The following RBM18 variants were observed in gnomAD, a reference collection of about 807,000 sequenced individuals.
The protein encoded by RBM18 is RNA binding motif protein 18, also known as probable RNA-binding protein 18.
A neutral mutation model predicts 26.4 loss-of-function variants in RBM18; 18 were observed. The ratio of observed to expected loss-of-function variants is 0.68; its 90% CI spans 0.47 to 1.01. The LOEUF is 1.01. RBM18 is among the 50% of genes least tolerant of loss of function. The pLI is 0.00. For synonymous variants in RBM18, 74 were observed against 81.1 expected (o/e 0.91, Z 0.47); for missense variants, 180 against 219.2 (o/e 0.82, Z 1.13).
intron 3 of RBM18, among the ~76,000 whole-genome samples, chr9:122,251,243 GAATA>G (rs1337674725): frequency 6.6e-6 from 1 of 152,110 alleles, no homozygotes; most frequent in African/African-American, 2.4e-5. Context: ...TACATATGAT[GAATA>G]AATTTATAAG....
At chr9:122,261,868 A>G (rs1272051415) in intron 1 of RBM18, among the ~76,000 whole-genome samples, 2 of 152,252 alleles carry the variant, frequency 1.3e-5, no homozygotes, top group African/African-American at 4.8e-5. Context: ...CACCAGGAAG[A>G]GTCTTAATGG....
At chr9:122,256,632 G>A (rs767207116) in intron 2 of RBM18, among the ~76,000 whole-genome samples, 3 of 152,142 alleles carry the variant, frequency 2.0e-5, no homozygotes, top group Non-Finnish European at 4.4e-5. Flanking sequence ...TACATTTTAA[G>A]ATTTAAAATA....
chr9:122,253,896 C>T (rs1285912813), intron 2 of RBM18, among the ~76,000 whole-genome samples: 10 of 151,596 alleles, frequency 6.6e-5, no homozygotes, highest in Non-Finnish European at 1.2e-4. Flanking sequence ...AGCATGGTGG[C>T]GCATGCCCGT....
Position 122,251,864 on chromosome 9 carries a change from T to C in RBM18, c.223A>G (p.Asn75Asp), listed in dbSNP as rs750099497. ...EGQPRGYCFVNFETKQEAEQA... is the reference protein window; with the variant it reads ...EGQPRGYCFVDFETKQEAEQA... Reference sequence around the variant, plus strand: ...TTAATTACCTGCTTAGTTTCAAAGTTAACAAAACAGTAGCCTCGAGGCTGT... The same window carrying C: ...TTAATTACCTGCTTAGTTTCAAAGTCAACAAAACAGTAGCCTCGAGGCTGT... The change falls in exon 3 of 6, where the codon AAC becomes GAC. Residue 75 changes from asparagine to aspartate, a missense_variant. Physicochemically the swap from Asn to Asp is conservative, Grantham distance 23. Coordinates refer to ENST00000417201, the MANE Select transcript of RBM18 (RefSeq NM_033117.4). 165 of 1,613,996 alleles carry C rather than the reference T, an allele frequency of 1.0e-4. No individual in the cohort carries two copies. Among genetic ancestry groups the C allele is most frequent in the Non-Finnish European group, 1.3e-4 (158 of 1,179,978 alleles).
chr9:122,254,295 GCTTA>G, intron 2 of RBM18: 1 of 949,406 alleles, frequency 1.1e-6, no homozygotes. Context: ...AGGAACATCT[GCTTA>G]GGTTTGTGTC....
intron 2 of RBM18, among the ~76,000 whole-genome samples, chr9:122,256,038 A>AAAC (rs3048199): frequency 0.039 from 5,927 of 151,682 alleles, 370 homozygotes; most frequent in African/African-American, 0.13. Flanking sequence ...CTCAAAAAGA[A>AAAC]AACAACAACA....
rs186676275 is a variant in RBM18, at chr9:122,260,557, T to G, written c.113+823A>C. On this transcript the variant is annotated intron_variant, in intron 2 of 5. Coordinates refer to ENST00000417201, the MANE Select transcript of RBM18 (RefSeq NM_033117.4). ...TAAAAGAGCAGGGAGTCAGGGCAAT[T>G]CAATCAATTTCGTGAACTCGGGCAA... Among the ~76,000 whole-genome samples, 161 of 151,002 alleles carry G rather than the reference T, an allele frequency of 1.1e-3. 1 individual carries two copies. The highest frequency in any genetic ancestry group is 1.3e-3 in the Non-Finnish European group (86 of 68,006).
Position 122,238,620 on chromosome 9 carries a change from G to T in RBM18, c.*3264C>A, listed in dbSNP as rs537525980. On this transcript the variant is annotated 3_prime_UTR_variant, in exon 6 of 6. Transcript: ENST00000417201. ...GTGGCTGCAGTACACCGCACAAGGG[G>T]AGAACAGTAGGCTATAGGGTCAGAC... 1 of 152,360 alleles carries T rather than the reference G, an allele frequency of 6.6e-6. No individual in the cohort carries two copies. Among genetic ancestry groups the T allele is most frequent in the East Asian group, 1.9e-4 (1 of 5,194 alleles). The allele number at this position is 152,360 out of a possible 1,614,324, so 9.4% of individuals were successfully genotyped here.
chr9:122,247,782 G>T lies in RBM18; in HGVS notation c.241-178C>A, dbSNP rs866434912. Among the ~76,000 whole-genome samples, 241 of 76,762 alleles carry T rather than the reference G, an allele frequency of 3.1e-3. 2 individuals carry two copies. Among genetic ancestry groups the T allele is most frequent in the African/African-American group, 4.3e-3 (139 of 32,420 alleles). 50.4% of individuals were successfully genotyped at this position (76,762 alleles called of 152,430 possible). On this transcript the variant is annotated intron_variant, in intron 3 of 5. Coordinates refer to ENST00000417201, the MANE Select transcript of RBM18 (RefSeq NM_033117.4). ...ATTTTAAAAAGGGCATGGTTTTTTT[G>T]TTGTTTTTTTTTTTTTTTTGAGATG...
At chr9:122,245,107 T>C in intron 5 of RBM18, 149 bp downstream of exon 5, 2 of 606,452 alleles carry the variant, frequency 3.3e-6, no homozygotes, top group East Asian at 2.7e-5. Context: ...AGGAAATGTA[T>C]ACATTCTGGA....
chr9:122,241,995 C>T lies in RBM18; in HGVS notation c.462G>A (p.Ala154=), dbSNP rs761203922. 2.0e-5 allele frequency: 33 copies of T among 1,613,796 alleles called. No individual in the cohort carries two copies. The Admixed American group carries it at 3.3e-4, about 16-fold the overall frequency. The change falls in exon 6 of 6, where the codon GCG becomes GCA. Residue 154 remains alanine (A), a synonymous_variant. Coordinates refer to ENST00000417201, the MANE Select transcript of RBM18 (RefSeq NM_033117.4). Reference sequence around the variant, plus strand: ...CTGGATACTCTGCATCAGGATTTTCCGCCATCATTTTCAGTTTTGCTTCAA... The same window carrying T: ...CTGGATACTCTGCATCAGGATTTTCTGCCATCATTTTCAGTTTTGCTTCAA... The part of the protein sequence containing the change: ...KAIEAKLKMM[A]ENPDAEYPAA...
intron 5 of RBM18, chr9:122,243,691 T>C (rs1831460709): frequency 3.1e-6 from 3 of 980,680 alleles, no homozygotes; most frequent in South Asian, 4.7e-5. Context: ...AAGGTATACA[T>C]GGGCGAGAAA....
At chr9:122,261,581 A>C (rs1399633710) in intron 1 of RBM18, 73 bp from the exon 2 acceptor site, 9 of 998,156 alleles carry the variant, frequency 9.0e-6, no homozygotes, top group Non-Finnish European at 1.3e-5. Context: ...ATTCAACTCA[A>C]CAAACATTTA....
chr9:122,241,941 T>C lies in RBM18; in HGVS notation c.516A>G (p.Pro172=). 1.2e-6 allele frequency: 2 copies of C among 1,614,108 alleles called. No individual in the cohort carries two copies. The highest frequency in any genetic ancestry group is 1.7e-6 in the Non-Finnish European group (2 of 1,179,968). ...PAAPVYSYFK[P]PDKKRTTPYS... is the part of the protein sequence containing the mutation. The stretch of plus-strand genomic sequence containing the variant: ...ATGGAGTAGTCCTTTTTTTATCTGG[T>C]GGCTTAAAGTAGGAATAAACAGGCG... Residue 172 remains proline (P), a synonymous_variant, in exon 6 of 6, where the codon CCA becomes CCG. Transcript: ENST00000417201.
intron 1 of RBM18, among the ~76,000 whole-genome samples, chr9:122,262,095 C>CT (rs1008038995): frequency 1.3e-5 from 2 of 151,316 alleles, no homozygotes; most frequent in Non-Finnish European, 3.0e-5. Context: ...GATAATAGTG[C>CT]TTATTTTATA....
chr9:122,251,248 A>T (rs935830868), intron 3 of RBM18, among the ~76,000 whole-genome samples: 40 of 152,198 alleles, frequency 2.6e-4, no homozygotes, highest in African/African-American at 8.7e-4. Context: ...ATGATGAATA[A>T]ATTTATAAGT....
Position 122,239,706 on chromosome 9 carries a change from C to T in RBM18, c.*2178G>A, listed in dbSNP as rs10733657. The T allele has an allele frequency of 0.93, 141,159 of 152,330 alleles. 65,720 individuals carry two copies. The highest frequency in any genetic ancestry group is 1 in the East Asian group (5,188 of 5,190). 9.4% of individuals were successfully genotyped at this position (152,330 alleles called of 1,614,324 possible). A position where few individuals can be genotyped will look rare whatever the true frequency, so the allele number is the denominator to read the frequency against. On this transcript the variant is annotated 3_prime_UTR_variant, in exon 6 of 6. Transcript: ENST00000417201. ...ATTTCTTCTTTTGAAATCTCTACCA[C>T]GAGAGACTAAACACAGTACGATACT...
At position 122,240,068 on chromosome 9, in the gene RBM18, C is replaced by T. The variant is rs1340710665; in HGVS notation, c.*1816G>A. On this transcript the variant is annotated 3_prime_UTR_variant, in exon 6 of 6. Transcript: ENST00000417201. ...GAATCAGTACAAATAATAAACAGTG[C>T]TTTAAATACAAATAAATAGCTCTGG... 1 of 152,184 alleles carries T rather than the reference C, an allele frequency of 6.6e-6. No individual in the cohort carries two copies. The highest frequency in any genetic ancestry group is 1.5e-5 in the Non-Finnish European group (1 of 68,022). 9.4% of individuals were successfully genotyped at this position (152,184 alleles called of 1,614,324 possible).
chr9:122,257,800 T>C lies in RBM18; in HGVS notation c.113+3580A>G, dbSNP rs1169763088. On this transcript the variant is annotated intron_variant, in intron 2 of 5. Coordinates refer to ENST00000417201, the MANE Select transcript of RBM18 (RefSeq NM_033117.4). Reference sequence around the variant, plus strand: ...TTTATAAAAGAGATCAGGTGGACAGTAGGGACACATATAAGAAAGAGAGAG... The same window carrying C: ...TTTATAAAAGAGATCAGGTGGACAGCAGGGACACATATAAGAAAGAGAGAG... Among the ~76,000 whole-genome samples, 6 of 152,252 alleles carry C rather than the reference T, an allele frequency of 3.9e-5. 1 individual carries two copies. The highest frequency in any genetic ancestry group is 4.1e-4 in the South Asian group (2 of 4,824).
Sources: allele counts gnomAD v4.1 joint callset (sites outside exome capture counted in the v4.1 genomes callset), GRCh38; gene constraint gnomAD v4.1.1; transcripts MANE v1.5; gene names NCBI Gene and HGNC (gene_info 2026-07-23, HGNC 2026-07-21).